The following DNM3 variants were observed in gnomAD, a reference collection of about 807,000 sequenced individuals.
DNM3 encodes dynamin-3.
A neutral mutation model predicts 101.6 loss-of-function variants in DNM3; 47 were observed. The observed-to-expected ratio is 0.46, with a 90% CI of 0.37 to 0.59. The LOEUF is 0.59. DNM3 is among the 20% of genes least tolerant of loss of function. DNM3 has a pLI of 0.00. For missense variants in DNM3, 849 were observed against 1,085.7 expected, an observed-to-expected ratio of 0.78 and a Z score of 3.06; for synonymous variants, 385 against 387.9, an observed-to-expected ratio of 0.99 and a Z score of 0.09.
chr1:172,045,054 A>G (rs73039305), intron 9 of DNM3, among the ~76,000 whole-genome samples: 1,849 of 152,158 alleles, frequency 0.012, 52 homozygotes, highest in African/African-American at 0.042. Context: ...GGGATGACCA[A>G]AGGCAAAGAG....
intron 10 of DNM3, among the ~76,000 whole-genome samples, chr1:172,055,938 A>G (rs1036966833): frequency 1.2e-4 from 19 of 152,180 alleles, no homozygotes; most frequent in African/African-American, 4.6e-4. Flanking sequence ...TACCGGGTTC[A>G]TCTCACTAGG....
chr1:172,090,528 G>C (rs1419670834), intron 12 of DNM3, among the ~76,000 whole-genome samples: 1 of 152,096 alleles, frequency 6.6e-6, no homozygotes, highest in East Asian at 1.9e-4. Flanking sequence ...TAATTTCATC[G>C]TAATTAAGAG....
rs142346791 is a variant in DNM3 at position 172,278,249 on chromosome 1, A to G, written c.1769+24567A>G. ...AAGTCAATATTTCAAGTATTTTCTT[A>G]CTTTACTAATGCTGTCACAACTCAT... On this transcript the variant is annotated intron_variant, in intron 15 of 20. Coordinates refer to ENST00000627582, the MANE Select transcript of DNM3 (RefSeq NM_015569.5). Among the ~76,000 whole-genome samples, 1,028 of 152,110 alleles carry G rather than the reference A, an allele frequency of 6.8e-3. 22 individuals carry two copies. The highest frequency in any genetic ancestry group is 0.023 in the African/African-American group (972 of 41,490).
At chr1:172,277,012 T>C (rs2063317045) in intron 15 of DNM3, among the ~76,000 whole-genome samples, 1 of 152,072 alleles carries the variant, frequency 6.6e-6, no homozygotes, top group Non-Finnish European at 1.5e-5. Context: ...GAAAACTGTC[T>C]CTGAGAAAGA....
chr1:171,861,451 G>A (rs1466382649), intron 1 of DNM3, among the ~76,000 whole-genome samples: 1 of 152,106 alleles, frequency 6.6e-6, no homozygotes. Context: ...GTGGTCAATT[G>A]ATTTTTAACA....
chr1:171,868,517 TATTTGAAATGTTC>T lies in DNM3; in HGVS notation c.161+26702_161+26714del, dbSNP rs1308480036. ...GCAAGAAATAGCTTCATGCCAGTTC[TATTTGAAATGTTC>T]AAACCACCTATTTAATGGCATCTTC... On this transcript the variant is annotated intron_variant, in intron 1 of 20. Coordinates refer to ENST00000627582, the MANE Select transcript of DNM3 (RefSeq NM_015569.5). Among the ~76,000 whole-genome samples, 7 of 152,226 alleles carry T rather than the reference TATTTGAAATGTTC, an allele frequency of 4.6e-5. No individual in the cohort carries two copies. In the East Asian group the frequency reaches 1.3e-3, roughly 29 times the overall value.
intron 1 of DNM3, among the ~76,000 whole-genome samples, chr1:171,885,400 T>C (rs536021020): frequency 6.6e-6 from 1 of 152,348 alleles, no homozygotes; most frequent in East Asian, 1.9e-4. Context: ...TTCCTCATGT[T>C]AATTTAATCT....
At chr1:172,256,948 A>G (rs2062428923) in intron 15 of DNM3, among the ~76,000 whole-genome samples, 4 of 142,956 alleles carry the variant, frequency 2.8e-5, no homozygotes, top group Admixed American at 1.4e-4. Flanking sequence ...TTTACATTTT[A>G]GAATGCAGGG....
At position 171,851,705 on chromosome 1, in the gene DNM3, C is replaced by T. The variant is rs190975553; in HGVS notation, c.161+9888C>T. On this transcript the variant is annotated intron_variant, in intron 1 of 20. Coordinates refer to ENST00000627582, the MANE Select transcript of DNM3 (RefSeq NM_015569.5). ...CTGGGATTATAGGCGTGAGCCACTG[C>T]ACCCGACCTGAACAGTGCTTTTTAA... Among the ~76,000 whole-genome samples the T allele has an allele frequency of 1.2e-4, 18 of 152,364 alleles. No homozygotes were observed. The East Asian group carries it at 3.1e-3, about 26-fold the overall frequency.
intron 20 of DNM3, among the ~76,000 whole-genome samples, chr1:172,396,532 A>G (rs2070016755): frequency 6.6e-6 from 1 of 152,232 alleles, no homozygotes; most frequent in Non-Finnish European, 1.5e-5. Context: ...AGAATAAGCT[A>G]AAAGTCTGGA....
rs1448806553 is a variant in DNM3 at position 172,283,244 on chromosome 1, C to T, written c.1770-25484C>T. Among the ~76,000 whole-genome samples the T allele has an allele frequency of 2.6e-5, 4 of 152,204 alleles. No homozygotes were observed. In the East Asian group the frequency reaches 7.7e-4, roughly 29 times the overall value. On this transcript the variant is annotated intron_variant, in intron 15 of 20. Coordinates refer to ENST00000627582, the MANE Select transcript of DNM3 (RefSeq NM_015569.5). ...AGATATCTTCCCTTGGCCTTTTAGC[C>T]TCATCTCTCTTCTCTTTAGTCACTT... is the stretch of plus-strand genomic sequence containing the variant.
chr1:172,009,154 A>T (rs1461158979), intron 4 of DNM3, among the ~76,000 whole-genome samples: 1 of 139,516 alleles, frequency 7.2e-6, no homozygotes, highest in Non-Finnish European at 1.5e-5. Context: ...ATATTATATG[A>T]TATATAATAT....
At chr1:172,366,676 T>C (rs2068037466) in intron 17 of DNM3, 1 of 151,838 alleles carries the variant, frequency 6.6e-6, no homozygotes, top group Admixed American at 6.6e-5. Context: ...AAGAGATACA[T>C]ATTATAAAAA....
intron 14 of DNM3, among the ~76,000 whole-genome samples, chr1:172,160,918 A>G (rs535160158): frequency 6.6e-6 from 1 of 152,126 alleles, no homozygotes; most frequent in South Asian, 2.1e-4. Flanking sequence ...TTTCAGCTCC[A>G]TTATAATTTT....
intron 1 of DNM3, among the ~76,000 whole-genome samples, chr1:171,904,370 A>G (rs917234462): frequency 6.6e-6 from 1 of 152,226 alleles, no homozygotes; most frequent in Admixed American, 6.5e-5. Context: ...TTTGTTCTAC[A>G]GCATTAAGAG....
chr1:172,378,119 T>C (rs2068707535), intron 17 of DNM3: 1 of 152,064 alleles, frequency 6.6e-6, no homozygotes, highest in African/African-American at 2.4e-5. Context: ...GCCAGACCAC[T>C]AACAATAATA....
intron 16 of DNM3, among the ~76,000 whole-genome samples, chr1:172,313,767 CATTTATTT>C (rs58904855): frequency 9.9e-5 from 15 of 151,202 alleles, no homozygotes; most frequent in African/African-American, 1.2e-4. Flanking sequence ...TGTCTCATAG[CATTTATTT>C]ATTTATTTAT....
Position 172,038,549 on chromosome 1 carries a change from T to C in DNM3, c.992+88T>C, listed in dbSNP as rs938624385. The C allele has an allele frequency of 2.0e-6, 3 of 1,515,876 alleles. No homozygotes were observed. In the African/African-American group the frequency reaches 4.2e-5, roughly 21 times the overall value. The allele number at this position is 1,515,876 out of a possible 1,614,324, so 93.9% of individuals were successfully genotyped here. The stretch of plus-strand genomic sequence containing the variant: ...CTTAGTCTATTTGTCACGTTGCTTC[T>C]TAGGTAGCAAGTAAACTATATGAGG... On this transcript the variant is annotated intron_variant, in intron 7 of 20. Coordinates refer to ENST00000627582, the MANE Select transcript of DNM3 (RefSeq NM_015569.5).
chr1:172,138,758 G>T, intron 14 of DNM3: 1 of 367,466 alleles, frequency 2.7e-6, no homozygotes, highest in Non-Finnish European at 5.5e-6. Flanking sequence ...TAGATGCTAT[G>T]GTGTGAGGGC....
Sources: allele counts gnomAD v4.1 joint callset (sites outside exome capture counted in the v4.1 genomes callset), GRCh38; gene constraint gnomAD v4.1.1; transcripts MANE v1.5; gene names NCBI Gene and HGNC (gene_info 2026-07-23, HGNC 2026-07-21).